The following ZNF12 variants were observed in gnomAD, a reference collection of about 807,000 sequenced individuals.
ZNF12 encodes zinc finger protein 12.
A neutral mutation model predicts 66.6 loss-of-function variants in ZNF12; 34 were observed. The observed-to-expected ratio is 0.51, with a 90% CI of 0.39 to 0.68. The LOEUF (loss-of-function observed/expected upper bound fraction) is 0.68, where lower values mean the gene tolerates loss of function less well. Among genes scored for constraint, ZNF12 ranks in the 30% least tolerant of loss-of-function variants. ZNF12 has a pLI of 0.00. For missense variants in ZNF12, 697 were observed against 826.9 expected (o/e 0.84, Z 1.93); for synonymous variants, 320 against 278.9 (o/e 1.15, Z -1.47).
Position 6,706,454 on chromosome 7 carries a change from T to C in ZNF12, c.-73A>G. 1 of 478,740 alleles carries C rather than the reference T, an allele frequency of 2.1e-6. No individual in the cohort carries two copies. Among genetic ancestry groups the C allele is most frequent in the South Asian group, 1.5e-5 (1 of 66,280 alleles). The allele number at this position is 478,740 out of a possible 1,614,324, so 29.7% of individuals were successfully genotyped here. A position where few individuals can be genotyped will look rare whatever the true frequency, so the allele number is the denominator to read the frequency against. The stretch of plus-strand genomic sequence containing the variant: ...TACCCTCCTGGGGCTCCGCAGCCTC[T>C]GCCCCACCGCTCCCGACAGGCCGGG... On this transcript the variant is annotated 5_prime_UTR_variant, in exon 1 of 5. Coordinates refer to ENST00000405858, the MANE Select transcript of ZNF12 (RefSeq NM_016265.4).
At chr7:6,693,905 C>T (rs1425288978) in intron 4 of ZNF12, among the ~76,000 whole-genome samples, 5 of 152,170 alleles carry the variant, frequency 3.3e-5, no homozygotes, top group East Asian at 3.9e-4. Flanking sequence ...TGGTAGCTCA[C>T]GCCTGTAATC....
At chr7:6,699,774 C>T (rs1456560365) in intron 2 of ZNF12, among the ~76,000 whole-genome samples, 16 of 152,120 alleles carry the variant, frequency 1.1e-4, no homozygotes, top group South Asian at 2.1e-4. Context: ...TGGGTGAAAA[C>T]GGGCAAAGGA....
chr7:6,694,717 C>A (rs1780128355), intron 4 of ZNF12, among the ~76,000 whole-genome samples: 1 of 152,178 alleles, frequency 6.6e-6, no homozygotes, highest in African/African-American at 2.4e-5. Context: ...TGCTTGACTT[C>A]CTGCCTTCAT....
Position 6,692,387 on chromosome 7 carries a change from T to C in ZNF12, c.555A>G (p.Pro185=). Residue 185 remains proline, a synonymous_variant, in exon 5 of 5, where the codon CCA becomes CCG. Coordinates refer to ENST00000405858, the MANE Select transcript of ZNF12 (RefSeq NM_016265.4). The surrounding 1 kb of genome is among the most constrained non-coding windows in gnomAD (Gnocchi z 5.1). ...GATTAAATTCATAAGCTTGATCTCC[T>C]GGATGAGTTTTCTCAAGCTTAATAT... ...LLHIKLEKTH[P]GDQAYEFNQN... The C allele has an allele frequency of 6.2e-7, 1 of 1,612,646 alleles. No individual in the cohort carries two copies. The highest frequency in any genetic ancestry group is 1.1e-5 in the South Asian group (1 of 90,688).
chr7:6,703,028 A>G (rs1219754175), intron 2 of ZNF12, among the ~76,000 whole-genome samples: 2 of 137,818 alleles, frequency 1.5e-5, no homozygotes, highest in African/African-American at 5.5e-5. Context: ...CAGCTAACAC[A>G]GCTCCCAAAC....
At chr7:6,706,245 G>C (rs1182113972) in intron 1 of ZNF12, among the ~76,000 whole-genome samples, 187 bp downstream of exon 1, 1 of 152,296 alleles carries the variant, frequency 6.6e-6, no homozygotes, top group South Asian at 2.1e-4. Context: ...AACGTCCGCA[G>C]CTGAGGCTGG....
rs533399968 is a variant in ZNF12, at chr7:6,688,956, G to T, written c.*1892C>A. ...AGTTCAAGGAAGCATACATTTTATTGTTTCAAGTTGATTTCTAATGCTCAA... is the reference window on the plus strand; with the variant it reads ...AGTTCAAGGAAGCATACATTTTATTTTTTCAAGTTGATTTCTAATGCTCAA... On this transcript the variant is annotated 3_prime_UTR_variant, in exon 5 of 5. Transcript: ENST00000405858. This position sits in a 1 kb window ranked among gnomAD's most constrained non-coding sequence, Gnocchi z 4.3. 3 of 152,576 alleles carry T rather than the reference G, an allele frequency of 2.0e-5. No homozygotes were observed. Among genetic ancestry groups the T allele is most frequent in the Non-Finnish European group, 4.4e-5 (3 of 68,024 alleles). 9.5% of individuals were successfully genotyped at this position (152,576 alleles called of 1,614,324 possible).
At position 6,692,924 on chromosome 7, in the gene ZNF12, G is replaced by C. The variant is rs1780097320; in HGVS notation, c.239-221C>G. On this transcript the variant is annotated intron_variant, in intron 4 of 4. Transcript: ENST00000405858. The surrounding 1 kb of genome is among the most constrained non-coding windows in gnomAD (Gnocchi z 5.1). The stretch of plus-strand genomic sequence containing the variant: ...ACACACATCCCCCTCTAGGAATGGA[G>C]AAAGGGGGAAGTAAACTGACAAAAA... 6.6e-6 allele frequency among the ~76,000 whole-genome samples: 1 copy of C among 152,056 alleles called. No individual in the cohort carries two copies. The highest frequency in any genetic ancestry group is 6.6e-5 in the Admixed American group (1 of 15,254).
intron 4 of ZNF12, among the ~76,000 whole-genome samples, chr7:6,695,841 C>A (rs1780146205): frequency 6.6e-6 from 1 of 152,112 alleles, no homozygotes; most frequent in African/African-American, 2.4e-5. Context: ...TGAGGTCAGA[C>A]TTAAAGAATG....
At chr7:6,701,799 T>A (rs1780247309) in intron 2 of ZNF12, among the ~76,000 whole-genome samples, 1 of 152,062 alleles carries the variant, frequency 6.6e-6, no homozygotes, top group Non-Finnish European at 1.5e-5. Context: ...CCATTCTCAC[T>A]CCATGGGCAA....
Position 6,689,752 on chromosome 7 carries a change from A to T in ZNF12, c.*1096T>A, listed in dbSNP as rs1306508160. ...GCAATGTCTGCCACAGACCCTTGTT[A>T]GAATGTGTTCTTAATTCATTAACAG... On this transcript the variant is annotated 3_prime_UTR_variant, in exon 5 of 5. Transcript: ENST00000405858. The T allele has an allele frequency of 6.6e-6, 1 of 152,644 alleles. No individual in the cohort carries two copies. Among genetic ancestry groups the T allele is most frequent in the Admixed American group, 6.5e-5 (1 of 15,270 alleles). 9.5% of individuals were successfully genotyped at this position (152,644 alleles called of 1,614,324 possible). A position where few individuals can be genotyped will look rare whatever the true frequency, so the allele number is the denominator to read the frequency against.
At chr7:6,700,336 CATAT>C (rs1554294763) in intron 2 of ZNF12, among the ~76,000 whole-genome samples, 11 of 143,054 alleles carry the variant, frequency 7.7e-5, no homozygotes, top group South Asian at 2.2e-4. Context: ...CACACACACA[CATAT>C]ATATACATAT....
chr7:6,691,709 A>G lies in ZNF12; in HGVS notation c.1233T>C (p.Cys411=). 1 of 1,613,450 alleles carries G rather than the reference A, an allele frequency of 6.2e-7. No individual in the cohort carries two copies. The highest frequency in any genetic ancestry group is 2.2e-5 in the East Asian group (1 of 44,794). Reference sequence around the variant, plus strand: ...GGCAGAAGCATTTCCCACATTCACTACACTTGTAGAGTTTCACACCTGTGT... The same window carrying G: ...GGCAGAAGCATTTCCCACATTCACTGCACTTGTAGAGTTTCACACCTGTGT... ...KIHTGVKLYK[C]SECGKCFCRK... is the part of the protein sequence containing the mutation. Residue 411 remains cysteine (C), a synonymous_variant, in exon 5 of 5, where the codon TGT becomes TGC. Transcript: ENST00000405858.
chr7:6,700,653 A>C (rs895492857), intron 2 of ZNF12, among the ~76,000 whole-genome samples: 2 of 152,166 alleles, frequency 1.3e-5, no homozygotes, highest in African/African-American at 2.4e-5. Context: ...CACACTTTTC[A>C]AATTAGAAGG....
chr7:6,692,062 C>G lies in ZNF12; in HGVS notation c.880G>C (p.Glu294Gln). The change falls in exon 5 of 5, where the codon GAG becomes CAG. Residue 294 changes from glutamate to glutamine, a missense_variant. Physicochemically the swap from Glu to Gln is conservative, Grantham distance 29. Around this residue, in one of 3 missense-constraint regions of ZNF12, gnomAD observed 401 missense variants for 519.0 expected, o/e 0.77. Transcript: ENST00000405858. The surrounding 1 kb of genome is among the most constrained non-coding windows in gnomAD (Gnocchi z 5.1). ...FIIHQRTHTG[E>Q]KPYECNQCGK... Reference sequence around the variant, plus strand: ...CACTGATTACATTCGTAAGGTTTCTCTCCTGTGTGAGTCCTCTGATGTATA... The same window carrying G: ...CACTGATTACATTCGTAAGGTTTCTGTCCTGTGTGAGTCCTCTGATGTATA... The G allele has an allele frequency of 6.2e-7, 1 of 1,613,778 alleles. No individual in the cohort carries two copies. Among genetic ancestry groups the G allele is most frequent in the Non-Finnish European group, 8.5e-7 (1 of 1,179,654 alleles).
Position 6,690,878 on chromosome 7 carries a change from C to A in ZNF12, c.2064G>T (p.Met688Ile). Residue 688 changes from methionine to isoleucine, a missense_variant, in exon 5 of 5, where the codon ATG becomes ATT. This residue lies in a region of ZNF12 where 401 missense variants were observed against 519.0 expected (regional missense o/e 0.77). Transcript: ENST00000405858. ...SHQRIHRRGN[M>I]NVIDVGRLL ...GAAGCCTTCCCACATCTATTACATT[C>A]ATATTGCCTCTCCTATGAATTCTCT... The A allele has an allele frequency of 1.2e-6, 2 of 1,613,278 alleles. No individual in the cohort carries two copies. The highest frequency in any genetic ancestry group is 1.7e-6 in the Non-Finnish European group (2 of 1,179,530).
Position 6,705,655 on chromosome 7 carries a change from G to A in ZNF12, c.-50-432C>T, listed in dbSNP as rs887226149. 1.3e-5 allele frequency among the ~76,000 whole-genome samples: 2 copies of A among 151,710 alleles called. No individual in the cohort carries two copies. Among genetic ancestry groups the A allele is most frequent in the African/African-American group, 4.9e-5 (2 of 41,192 alleles). On this transcript the variant is annotated intron_variant, in intron 1 of 4. Transcript: ENST00000405858. This position sits in a 1 kb window ranked among gnomAD's most constrained non-coding sequence, Gnocchi z 4.0. Reference sequence around the variant, plus strand: ...AATCGCTTGAACCCGGGAGGCGGAGGTTGCAGTGAGCTGGGATGGCACCAT... The same window carrying A: ...AATCGCTTGAACCCGGGAGGCGGAGATTGCAGTGAGCTGGGATGGCACCAT...
At position 6,698,018 on chromosome 7, in the gene ZNF12, C is replaced by T; in HGVS notation, c.16-207G>A. 1.3e-6 allele frequency: 1 copy of T among 773,026 alleles called. No individual in the cohort carries two copies. The highest frequency in any genetic ancestry group is 2.3e-6 in the Non-Finnish European group (1 of 431,574). The allele number at this position is 773,026 out of a possible 1,614,324, so 47.9% of individuals were successfully genotyped here. A position where few individuals can be genotyped will look rare whatever the true frequency, so the allele number is the denominator to read the frequency against. The stretch of plus-strand genomic sequence containing the variant: ...AAACAAAAAACAAAAAACAAAAAAA[C>T]AACACTGGGATTGCACGGTGAGCCA... On this transcript the variant is annotated intron_variant, in intron 2 of 4. Transcript: ENST00000405858. This position sits in a 1 kb window ranked among gnomAD's most constrained non-coding sequence, Gnocchi z 4.4.
At chr7:6,704,568 T>TAAAA (rs752684046) in intron 2 of ZNF12, among the ~76,000 whole-genome samples, 1 of 84,848 alleles carries the variant, frequency 1.2e-5, no homozygotes, top group Non-Finnish European at 2.2e-5. Flanking sequence ...GTCTCTACTT[T>TAAAA]AAAAAAAAAA....
Sources: gnomAD v4.1 joint callset for allele counts (sites outside exome capture counted in the v4.1 genomes callset) on GRCh38, gnomAD v4.1.1 for gene constraint, gnomAD v4.1.1 regional missense constraint, Gnocchi (gnomAD v3.1) non-coding constraint, MANE v1.5 for transcripts, NCBI Gene and HGNC (gene_info 2026-07-23, HGNC 2026-07-21) for gene names.